SLC4A4: variants seen among roughly 807,000 people sequenced by gnomAD.
The protein encoded by SLC4A4 is solute carrier family 4 member 4.
In SLC4A4, 27 loss-of-function variants were observed where a neutral mutation model predicts 111.5. The observed-to-expected ratio is 0.24, with a 90% confidence interval of 0.18 to 0.33. The LOEUF (loss-of-function observed/expected upper bound fraction) is 0.33, where lower values mean the gene tolerates loss of function less well. Among genes scored for constraint, SLC4A4 ranks in the 10% least tolerant of loss-of-function variants. SLC4A4 has a pLI of 1.00. For synonymous variants in SLC4A4, 443 were observed against 463.4 expected (o/e 0.96, Z 0.57); for missense variants, 909 against 1,315.5 (o/e 0.69, Z 4.78).
At chr4:71,464,897 T>A (rs972836027) in intron 12 of SLC4A4, among the ~76,000 whole-genome samples, 1 of 152,170 alleles carries the variant, frequency 6.6e-6, no homozygotes, top group Non-Finnish European at 1.5e-5. Context: ...CTGTGTAAGT[T>A]TTGTAAGTTG....
At chr4:71,086,265 AC>A (rs578050295) in intron 1 of SLC4A4, among the ~76,000 whole-genome samples, 1,813 of 151,668 alleles carry the variant, frequency 0.012, 43 homozygotes, top group African/African-American at 0.042. Flanking sequence ...GTATCCTGAG[AC>A]TTTGCTGAAG....
At chr4:71,452,317 T>C in intron 11 of SLC4A4, among the ~76,000 whole-genome samples, 1 of 152,204 alleles carries the variant, frequency 6.6e-6, no homozygotes. Flanking sequence ...ATTATTTCCA[T>C]TAGGAATATC....
At chr4:71,418,985 C>A (rs1722086023) in intron 7 of SLC4A4, among the ~76,000 whole-genome samples, 1 of 152,296 alleles carries the variant, frequency 6.6e-6, no homozygotes, top group Middle Eastern at 3.4e-3. Flanking sequence ...TGGGTATCCG[C>A]AGCGGTGTTT....
intron 14 of SLC4A4, 38 bp from the exon 15 acceptor site, chr4:71,486,910 T>C (rs751385458): frequency 1.5e-6 from 2 of 1,313,680 alleles, no homozygotes; most frequent in Non-Finnish European, 2.2e-6. Context: ...TTTTCTATTT[T>C]AGTTTTATAG....
chr4:71,213,485 G>C (rs986242485), intron 1 of SLC4A4, among the ~76,000 whole-genome samples: 1 of 152,146 alleles, frequency 6.6e-6, no homozygotes, highest in Non-Finnish European at 1.5e-5. Context: ...TCTTACTGGA[G>C]TACTGAGTTT....
chr4:71,534,572 G>T (rs1034057308), intron 18 of SLC4A4, among the ~76,000 whole-genome samples, 184 bp downstream of exon 18: 6 of 147,452 alleles, frequency 4.1e-5, no homozygotes, highest in Non-Finnish European at 7.4e-5. Flanking sequence ...TTTAGGGAGA[G>T]CTCATTTAAA....
At chr4:71,516,731 C>T (rs1732435296) in intron 16 of SLC4A4, among the ~76,000 whole-genome samples, 1 of 152,216 alleles carries the variant, frequency 6.6e-6, no homozygotes, top group African/African-American at 2.4e-5. Context: ...TAGCCACTTG[C>T]TTTCTTCCTT....
At chr4:71,283,687 A>G (rs1002628222) in intron 3 of SLC4A4, among the ~76,000 whole-genome samples, 2 of 152,202 alleles carry the variant, frequency 1.3e-5, no homozygotes, top group Non-Finnish European at 2.9e-5. Flanking sequence ...ATGTATTGCT[A>G]TTTACAGAAA....
At chr4:71,321,572 C>T (rs1015681788) in intron 3 of SLC4A4, among the ~76,000 whole-genome samples, 3 of 151,856 alleles carry the variant, frequency 2.0e-5, no homozygotes, top group African/African-American at 7.3e-5. Context: ...TATTGGCTCA[C>T]CCCCAGTTCT....
intron 3 of SLC4A4, among the ~76,000 whole-genome samples, chr4:71,320,368 G>A (rs1727025720): frequency 6.6e-6 from 1 of 151,958 alleles, no homozygotes; most frequent in Admixed American, 6.6e-5. Context: ...TTGCTGCTCT[G>A]GCATTTGCAC....
chr4:71,092,629 G>T (rs1184491447), intron 1 of SLC4A4, among the ~76,000 whole-genome samples: 1 of 152,166 alleles, frequency 6.6e-6, no homozygotes, highest in African/African-American at 2.4e-5. Context: ...AAGAAGAAGA[G>T]ATTCTTACAT....
At chr4:71,263,013 CT>C (rs1211263866) in intron 3 of SLC4A4, among the ~76,000 whole-genome samples, 2 of 135,922 alleles carry the variant, frequency 1.5e-5, no homozygotes, top group South Asian at 3.0e-4. Flanking sequence ...TCCCTCCCCC[CT>C]CCCCCCACTC....
intron 3 of SLC4A4, among the ~76,000 whole-genome samples, chr4:71,304,393 G>C (rs1277096709): frequency 6.6e-6 from 1 of 152,128 alleles, no homozygotes; most frequent in South Asian, 2.1e-4. Context: ...GAGAGCAGGA[G>C]AAGATGAATG....
chr4:71,259,796 A>T lies in SLC4A4; in HGVS notation c.253+4397A>T, dbSNP rs545477139. On this transcript the variant is annotated intron_variant, in intron 3 of 25. Coordinates refer to ENST00000264485, the MANE Select transcript of SLC4A4 (RefSeq NM_001098484.3). Reference sequence around the variant, plus strand: ...CCTCCCATTTTGTTAGTGTCCAGGGATACTTATGGGGGCATCACAGGCTAC... The same window carrying T: ...CCTCCCATTTTGTTAGTGTCCAGGGTTACTTATGGGGGCATCACAGGCTAC... 2.6e-5 allele frequency among the ~76,000 whole-genome samples: 4 copies of T among 152,182 alleles called. No homozygotes were observed. The East Asian group carries it at 7.7e-4, about 29-fold the overall frequency.
intron 1 of SLC4A4, among the ~76,000 whole-genome samples, chr4:71,085,531 G>A (rs189000787): frequency 6.6e-5 from 10 of 152,092 alleles, no homozygotes; most frequent in African/African-American, 1.9e-4. Flanking sequence ...GGGTTTTTAT[G>A]GTTTTAGGTC....
At chr4:71,282,540 C>T (rs1723605395) in intron 3 of SLC4A4, among the ~76,000 whole-genome samples, 1 of 151,896 alleles carries the variant, frequency 6.6e-6, no homozygotes, top group African/African-American at 2.4e-5. Flanking sequence ...CCACCTCGGC[C>T]TCCCAAAGTG....
intron 3 of SLC4A4, among the ~76,000 whole-genome samples, chr4:71,256,868 ACT>A (rs889969223): frequency 1.3e-5 from 2 of 151,726 alleles, no homozygotes; most frequent in East Asian, 1.9e-4. Flanking sequence ...GTGATTGTCT[ACT>A]CTCTCTCTTT....
chr4:71,130,142 A>G (rs1430622265), intron 2 of SLC4A4, among the ~76,000 whole-genome samples: 1 of 152,208 alleles, frequency 6.6e-6, no homozygotes, highest in East Asian at 1.9e-4. Flanking sequence ...AATAAAAGTT[A>G]AAAATGAATC....
chr4:71,130,442 T>C lies in SLC4A4; in HGVS notation c.-2+37650T>C, dbSNP rs549239184. Among the ~76,000 whole-genome samples the C allele has an allele frequency of 7.5e-4, 114 of 152,270 alleles. 1 individual carries two copies. In the South Asian group the frequency reaches 0.023, roughly 31 times the overall value. ...TGTAGAGAAGGGGGTCTCACTTTTT[T>C]GCCCAGGCTGGTCTTCAACTCCTGG... On this transcript the variant is annotated intron_variant, in intron 2 of 26. Transcript: ENST00000649996.
Sources: gnomAD v4.1 joint callset for allele counts (sites outside exome capture counted in the v4.1 genomes callset) on GRCh38, gnomAD v4.1.1 for gene constraint, MANE v1.5 for transcripts, NCBI Gene and HGNC (gene_info 2026-07-23, HGNC 2026-07-21) for gene names.